The following REST variants were observed in gnomAD, a reference collection of about 807,000 sequenced individuals.
REST encodes RE1-silencing transcription factor.
REST carries 1 observed loss-of-function variant against 30.4 expected under a neutral mutation model. That is an observed-to-expected ratio of 0.03 (90% CI 0.01 to 0.16). The LOEUF is 0.16. Ranked by LOEUF, REST falls within the 10% of genes least tolerant of loss-of-function variation. The probability of loss-of-function intolerance (pLI) is 1.00; values close to 1 mark genes in which losing one functional copy is unlikely to be tolerated. For synonymous variants in REST, 504 were observed against 451.1 expected (o/e 1.12, Z -1.49); for missense variants, 1,259 against 1,329.5 (o/e 0.95, Z 0.82).
Position 56,930,164 on chromosome 4 carries a change from G to A in REST, c.1306G>A (p.Asp436Asn). 1.9e-6 allele frequency: 3 copies of A among 1,612,920 alleles called. No homozygotes were observed. The highest frequency in any genetic ancestry group is 2.5e-6 in the Non-Finnish European group (3 of 1,179,794). The change falls in exon 4 of 4, where the codon GAC (aspartate) becomes AAC (asparagine). Residue 436 changes from aspartate (D) to asparagine (N), a missense_variant. By Grantham distance (23) the Asp-to-Asn change is conservative (BLOSUM62 1). Around this residue, in one of 5 missense-constraint regions of REST, gnomAD observed 856 missense variants for 772.8 expected, o/e 1.11. Transcript: ENST00000309042. The part of the protein sequence containing the change: ...KLKKTKKREA[D>N]LPDNITNEKT... ...AAAGAAAACCAAAAAACGAGAGGCT[G>A]ACTTGCCTGATAATATTACCAATGA...
At chr4:56,919,395 C>G (rs1720348652) in intron 2 of REST, among the ~76,000 whole-genome samples, 1 of 151,842 alleles carries the variant, frequency 6.6e-6, no homozygotes, top group Admixed American at 6.6e-5. Flanking sequence ...AACCTAAAAA[C>G]CGGTGTTAAT....
intron 3 of REST, among the ~76,000 whole-genome samples, chr4:56,926,835 G>T (rs149596049): frequency 6.6e-6 from 1 of 151,830 alleles, no homozygotes; most frequent in Non-Finnish European, 1.5e-5. Context: ...GGTGGCTCAC[G>T]CCTGTAATCC....
chr4:56,927,301 C>G (rs1382482112), intron 3 of REST, among the ~76,000 whole-genome samples: 1 of 152,112 alleles, frequency 6.6e-6, no homozygotes, highest in Non-Finnish European at 1.5e-5. Flanking sequence ...AAATCATTCA[C>G]TGGAGAGAAC....
At chr4:56,919,018 C>G (rs1340066701) in intron 2 of REST, among the ~76,000 whole-genome samples, 1 of 150,826 alleles carries the variant, frequency 6.6e-6, no homozygotes, top group Non-Finnish European at 1.5e-5. Context: ...TGAAGTCTCA[C>G]TCAGCCTCCC....
At chr4:56,914,768 A>G (rs914478763) in intron 2 of REST, among the ~76,000 whole-genome samples, 2 of 151,924 alleles carry the variant, frequency 1.3e-5, no homozygotes, top group Admixed American at 6.6e-5. Context: ...TGGCCAGGCT[A>G]GTCTTGAACT....
At chr4:56,926,788 TAGAG>T (rs1030380044) in intron 3 of REST, among the ~76,000 whole-genome samples, 14 of 151,694 alleles carry the variant, frequency 9.2e-5, no homozygotes, top group Admixed American at 6.6e-5. Flanking sequence ...TCACAACACT[TAGAG>T]AGTATTTTAT....
Position 56,933,507 on chromosome 4 carries a change from G to T in REST, c.*1355G>T, listed in dbSNP as rs1469010010. 6.6e-6 allele frequency: 1 copy of T among 152,216 alleles called. No individual in the cohort carries two copies. The highest frequency in any genetic ancestry group is 2.4e-5 in the African/African-American group (1 of 41,462). 9.4% of individuals were successfully genotyped at this position (152,216 alleles called of 1,614,324 possible). ...TTCCTATACAGTGAAAAAGGCTGGT[G>T]AAACAAGTACAGTCCAGATTTTTTA... On this transcript the variant is annotated 3_prime_UTR_variant, in exon 4 of 4. Coordinates refer to ENST00000309042, the MANE Select transcript of REST (RefSeq NM_005612.5).
intron 1 of REST, chr4:56,909,169 G>C (rs1719775969): frequency 1.3e-5 from 2 of 152,500 alleles, no homozygotes; most frequent in South Asian, 4.1e-4. Context: ...GTGTTGGAGA[G>C]CGCAGGAAAA....
Position 56,931,821 on chromosome 4 carries a change from C to T in REST, c.2963C>T (p.Thr988Ile), listed in dbSNP as rs1172312135. The change falls in exon 4 of 4, where the codon ACT becomes ATT. Residue 988 changes from threonine (T) to isoleucine (I), a missense_variant. Transcript: ENST00000309042. ...GAAGAACGTGAAGCAGTGTCCAAAA[C>T]TGCACTGGCATCACCTCCTGCTACA... is the stretch of plus-strand genomic sequence containing the variant. ...AVEEREAVSK[T>I]ALASPPATMA... The T allele has an allele frequency of 1.2e-6, 2 of 1,614,244 alleles. No individual in the cohort carries two copies. The highest frequency in any genetic ancestry group is 1.3e-5 in the African/African-American group (1 of 75,068).
At chr4:56,918,380 G>C (rs1350671806) in intron 2 of REST, among the ~76,000 whole-genome samples, 2 of 151,758 alleles carry the variant, frequency 1.3e-5, no homozygotes, top group African/African-American at 4.8e-5. Flanking sequence ...TATGGTCCCA[G>C]CTACTTAGGA....
At chr4:56,926,064 T>C (rs987287311) in intron 3 of REST, among the ~76,000 whole-genome samples, 1 of 152,162 alleles carries the variant, frequency 6.6e-6, no homozygotes, top group Non-Finnish European at 1.5e-5. Flanking sequence ...TTCCCCTTGA[T>C]TGATCGATTG....
chr4:56,917,871 G>GA (rs1720276110), intron 2 of REST, among the ~76,000 whole-genome samples: 1 of 151,934 alleles, frequency 6.6e-6, no homozygotes, highest in African/African-American at 2.4e-5. Flanking sequence ...CTAACAAGGT[G>GA]AAACCCCGTC....
In REST at chr4:56,932,088, A is replaced by G. The variant is rs756954268; in HGVS notation, c.3230A>G (p.Lys1077Arg). Reference sequence around the variant, plus strand: ...TTCAGAAAGGGAAAAGATTACAGCAAACACCTCAATCGCCATTTGGTTAAT... The same window carrying G: ...TTCAGAAAGGGAAAAGATTACAGCAGACACCTCAATCGCCATTTGGTTAAT... ...RSFRKGKDYSKHLNRHLVNVY... is the reference protein window; with the variant it reads ...RSFRKGKDYSRHLNRHLVNVY... Residue 1077 changes from lysine (K) to arginine (R), a missense_variant, in exon 4 of 4, where the codon AAA becomes AGA. By Grantham distance (26) the Lys-to-Arg change is conservative. Around this residue, in one of 5 missense-constraint regions of REST, gnomAD observed 25 missense variants for 33.2 expected, o/e 0.75. Coordinates refer to ENST00000309042, the MANE Select transcript of REST (RefSeq NM_005612.5). The G allele has an allele frequency of 5.6e-6, 9 of 1,614,126 alleles. No individual in the cohort carries two copies. Among genetic ancestry groups the G allele is most frequent in the Admixed American group, 3.3e-5 (2 of 60,012 alleles).
chr4:56,933,658 T>C lies in REST; in HGVS notation c.*1506T>C, dbSNP rs1359563449. ...TCCTGGTGTTCCTATGAGGGCACTT[T>C]GTATGAAAAAGGGCATGTACTCCAA... is the stretch of plus-strand genomic sequence containing the variant. On this transcript the variant is annotated 3_prime_UTR_variant, in exon 4 of 4. Coordinates refer to ENST00000309042, the MANE Select transcript of REST (RefSeq NM_005612.5). The C allele has an allele frequency of 1.3e-5, 2 of 152,198 alleles. No individual in the cohort carries two copies. The highest frequency in any genetic ancestry group is 1.9e-4 in the East Asian group (1 of 5,196). 9.4% of individuals were successfully genotyped at this position (152,198 alleles called of 1,614,324 possible). A position where few individuals can be genotyped will look rare whatever the true frequency, so the allele number is the denominator to read the frequency against.
chr4:56,913,903 C>T (rs1391608819), intron 2 of REST, among the ~76,000 whole-genome samples: 1 of 152,046 alleles, frequency 6.6e-6, no homozygotes, highest in East Asian at 1.9e-4. Context: ...CTCGGCCTCC[C>T]AAAGTGCTGG....
intron 2 of REST, among the ~76,000 whole-genome samples, chr4:56,917,248 A>G (rs538143419): frequency 4.3e-4 from 65 of 152,330 alleles, no homozygotes; most frequent in Non-Finnish European, 2.9e-4. Flanking sequence ...CTTTACAGCT[A>G]ATTCGTAGCT....
rs894647864 is a variant in REST, at chr4:56,910,712, C to A, written c.74C>A (p.Ala25Asp). 3.1e-6 allele frequency: 5 copies of A among 1,614,134 alleles called. No individual in the cohort carries two copies. The highest frequency in any genetic ancestry group is 2.7e-5 in the African/African-American group (2 of 75,030). ...ACCAGCAGTGGCAACATTGGAATGGCCCTGCCTAACGACATGTATGACTTG... is the reference window on the plus strand; with the variant it reads ...ACCAGCAGTGGCAACATTGGAATGGACCTGCCTAACGACATGTATGACTTG... Reference protein sequence around the residue: ...LFTSSGNIGMALPNDMYDLHD... With the variant: ...LFTSSGNIGMDLPNDMYDLHD... Residue 25 changes from alanine to aspartate, a missense_variant, in exon 2 of 4, where the codon GCC (alanine) becomes GAC (aspartate). Ala to Asp is a moderately radical substitution (Grantham distance 126). Transcript: ENST00000309042.
chr4:56,928,034 C>T (rs1053138560), intron 3 of REST, among the ~76,000 whole-genome samples: 1 of 152,132 alleles, frequency 6.6e-6, no homozygotes, highest in Non-Finnish European at 1.5e-5. Flanking sequence ...GGGAGTATCG[C>T]CCAGAGTGAA....
At chr4:56,924,871 A>C (rs920251417) in intron 3 of REST, among the ~76,000 whole-genome samples, 3 of 151,996 alleles carry the variant, frequency 2.0e-5, no homozygotes, top group African/African-American at 7.3e-5. Context: ...TTTACTTAAA[A>C]ATTTTCTTTG....
Sources: gnomAD v4.1 joint callset for allele counts (sites outside exome capture counted in the v4.1 genomes callset) on GRCh38, gnomAD v4.1.1 for gene constraint, gnomAD v4.1.1 regional missense constraint, MANE v1.5 for transcripts, NCBI Gene and HGNC (gene_info 2026-07-23, HGNC 2026-07-21) for gene names.